PARP4: variants seen among roughly 807,000 people sequenced by gnomAD.
PARP4 encodes the protein protein mono-ADP-ribosyltransferase PARP4.
A neutral mutation model predicts 187.7 loss-of-function variants in PARP4; 120 were observed. That is an observed-to-expected ratio of 0.64 (90% CI 0.55 to 0.74). The LOEUF (loss-of-function observed/expected upper bound fraction) is 0.74. Ranked by LOEUF, PARP4 falls within the 30% of genes least tolerant of loss-of-function variation. The pLI is 0.00. For missense variants in PARP4, 1,836 were observed against 2,070.5 expected (o/e 0.89, Z 2.20); for synonymous variants, 654 against 740.9 (o/e 0.88, Z 1.90).
intron 15 of PARP4, 74 bp downstream of exon 15, chr13:24,475,398 G>C (rs902287846): frequency 7.5e-5 from 102 of 1,357,740 alleles, no homozygotes; most frequent in Non-Finnish European, 9.3e-5. Flanking sequence ...TTCAGTTCAT[G>C]CAACTGCAAT....
chr13:24,501,556 C>T (rs9581089), intron 3 of PARP4, 77 bp downstream of exon 3: 95,421 of 926,266 alleles, frequency 0.1, 5,488 homozygotes, highest in Middle Eastern at 0.12. Context: ...CAATTCTCTG[C>T]CTATGGTATC....
chr13:24,480,273 C>T (rs1429311359), intron 12 of PARP4, among the ~76,000 whole-genome samples: 2 of 152,204 alleles, frequency 1.3e-5, no homozygotes, highest in Admixed American at 1.3e-4. Context: ...CTGACTGCTC[C>T]ACTGACCAGT....
rs1871753819 is a variant in PARP4, at chr13:24,455,140, T to C, written c.2635A>G (p.Ile879Val). 6.2e-7 allele frequency: 1 copy of C among 1,612,834 alleles called. No homozygotes were observed. The highest frequency in any genetic ancestry group is 1.1e-5 in the South Asian group (1 of 90,992). ...PDLASESEVI[I>V]CLDCSSSMEG... ...ATGGAACTGGAGCAGTCAAGACAAA[T>C]AATCACTTCGCTCTCACTGGCTAGG... The change falls in exon 22 of 34, where the codon ATT becomes GTT. Residue 879 changes from isoleucine (I) to valine (V), a missense_variant. Ile to Val is a conservative substitution (Grantham distance 29, BLOSUM62 3). This residue lies in a region of PARP4 where 1,147 missense variants were observed against 1,214.2 expected (regional missense o/e 0.94). Coordinates refer to ENST00000381989, the MANE Select transcript of PARP4 (RefSeq NM_006437.4).
At chr13:24,422,530 T>C (rs1869798056) in intron 33 of PARP4, among the ~76,000 whole-genome samples, 1 of 152,250 alleles carries the variant, frequency 6.6e-6, no homozygotes, top group Admixed American at 6.5e-5. Flanking sequence ...TATAATGTGC[T>C]CTTGCATCAA....
chr13:24,504,715 A>G (rs1869515914), intron 1 of PARP4, among the ~76,000 whole-genome samples: 1 of 150,970 alleles, frequency 6.6e-6, no homozygotes, highest in African/African-American at 2.4e-5. Flanking sequence ...TTTTTTTTTG[A>G]GACAATCTTG....
chr13:24,477,580 T>C (rs9511302), intron 14 of PARP4, 121 bp downstream of exon 14: 331,304 of 618,872 alleles, frequency 0.54, 89,825 homozygotes, highest in South Asian at 0.63. Context: ...TGAAAGGAAA[T>C]GAAATACTTA....
At chr13:24,427,645 A>C (rs1870127260) in intron 32 of PARP4, among the ~76,000 whole-genome samples, 1 of 152,204 alleles carries the variant, frequency 6.6e-6, no homozygotes, top group South Asian at 2.1e-4. Flanking sequence ...TAGTATGTAC[A>C]TATCTGCATA....
At chr13:24,480,023 G>A (rs1303186453) in intron 12 of PARP4, among the ~76,000 whole-genome samples, 1 of 151,800 alleles carries the variant, frequency 6.6e-6, no homozygotes, top group African/African-American at 2.4e-5. Context: ...CTGAGCCAGC[G>A]AGACCACGAA....
intron 12 of PARP4, among the ~76,000 whole-genome samples, chr13:24,481,858 C>T (rs1873298594): frequency 6.6e-6 from 1 of 152,140 alleles, no homozygotes; most frequent in Non-Finnish European, 1.5e-5. Flanking sequence ...TGGATCAAGA[C>T]CCCAACTCTA....
chr13:24,475,441 T>A, intron 15 of PARP4, 31 bp downstream of exon 15: 1 of 1,597,410 alleles, frequency 6.3e-7, no homozygotes, highest in Non-Finnish European at 8.6e-7. Flanking sequence ...ATCCATGTAG[T>A]TTAAGTGTCA....
intron 2 of PARP4, among the ~76,000 whole-genome samples, chr13:24,502,401 C>T (rs57917007): frequency 0.019 from 2,862 of 152,232 alleles, 189 homozygotes; most frequent in East Asian, 0.14. Flanking sequence ...AAAATAATGA[C>T]GACGTATTAA....
intron 32 of PARP4, among the ~76,000 whole-genome samples, chr13:24,427,511 T>C (rs1565984908): frequency 6.6e-6 from 1 of 151,952 alleles, no homozygotes; most frequent in Non-Finnish European, 1.5e-5. Flanking sequence ...GTTGAGATTA[T>C]AGGCAAGAGC....
intron 7 of PARP4, 98 bp from the exon 8 acceptor site, chr13:24,493,831 T>C: frequency 1.7e-6 from 2 of 1,194,844 alleles, no homozygotes; most frequent in South Asian, 1.3e-5. Flanking sequence ...GGAGAAATAA[T>C]TGATTAGAGC....
intron 3 of PARP4, among the ~76,000 whole-genome samples, chr13:24,500,595 GA>G (rs1869220540): frequency 6.6e-6 from 1 of 152,112 alleles, no homozygotes; most frequent in African/African-American, 2.4e-5. Context: ...AGCATATCAG[GA>G]GGATTCTCAT....
At position 24,500,315 on chromosome 13, in the gene PARP4, C is replaced by T; in HGVS notation, c.401+1G>A. On this transcript the variant is annotated splice_donor_variant, in intron 4 of 33. Coordinates refer to ENST00000381989, the MANE Select transcript of PARP4 (RefSeq NM_006437.4). LOFTEE classifies it high-confidence loss of function. ...CCAGGAATCAGAAAGAAGTAAATTA[C>T]TCAGTGAGTTCCACAGTGTCTTCCT... 6.4e-7 allele frequency: 1 copy of T among 1,568,590 alleles called. No individual in the cohort carries two copies. Among genetic ancestry groups the T allele is most frequent in the Non-Finnish European group, 8.7e-7 (1 of 1,148,748 alleles).
At chr13:24,489,204 A>G (rs1868485371) in intron 10 of PARP4, among the ~76,000 whole-genome samples, 1 of 152,154 alleles carries the variant, frequency 6.6e-6, no homozygotes. Flanking sequence ...ATCAAGTTTA[A>G]TTTGTTGAGG....
At chr13:24,449,886 T>C (rs1871420387) in intron 24 of PARP4, 69 bp from the exon 25 acceptor site, 3 of 940,016 alleles carry the variant, frequency 3.2e-6, no homozygotes, top group Non-Finnish European at 5.1e-6. Context: ...GTTAACAGTG[T>C]TGAGAAAGCT....
intron 27 of PARP4, among the ~76,000 whole-genome samples, chr13:24,446,396 C>T (rs1203384598): frequency 2.0e-4 from 31 of 152,136 alleles, no homozygotes; most frequent in Non-Finnish European, 7.3e-5. Context: ...GTACAGACAG[C>T]AGGGGTATCC....
intron 10 of PARP4, among the ~76,000 whole-genome samples, chr13:24,488,875 C>T (rs1392641913): frequency 6.6e-6 from 1 of 152,192 alleles, no homozygotes; most frequent in Admixed American, 6.5e-5. Context: ...GTGGATTTAT[C>T]TATTCTAGAT....
Sources: gnomAD v4.1 joint callset for allele counts (sites outside exome capture counted in the v4.1 genomes callset) on GRCh38, gnomAD v4.1.1 for gene constraint, gnomAD v4.1.1 regional missense constraint, MANE v1.5 for transcripts, NCBI Gene and HGNC (gene_info 2026-07-23, HGNC 2026-07-21) for gene names.